KCNIP4: variants seen among roughly 807,000 people sequenced by gnomAD.
KCNIP4 encodes the protein Kv channel-interacting protein 4.
In KCNIP4, 12 loss-of-function variants were observed where a neutral mutation model predicts 34.0. The observed-to-expected ratio is 0.35, with a 90% CI of 0.23 to 0.57. The LOEUF is 0.57. Ranked by LOEUF, KCNIP4 falls within the 20% of genes least tolerant of loss-of-function variation. KCNIP4 has a pLI of 0.83. For synonymous variants in KCNIP4, 124 were observed against 102.2 expected (o/e 1.21, Z -1.29); for missense variants, 238 against 311.7 (o/e 0.76, Z 1.78).
intron 1 of KCNIP4, among the ~76,000 whole-genome samples, chr4:21,447,011 G>C (rs574989235): frequency 6.6e-6 from 1 of 150,422 alleles, no homozygotes; most frequent in Admixed American, 6.6e-5. Flanking sequence ...AAAAAAAAAA[G>C]AAAAAGAGAC....
chr4:21,697,711 G>A, intron 1 of KCNIP4: 2 of 1,215,716 alleles, frequency 1.6e-6, no homozygotes, highest in Non-Finnish European at 2.0e-6. Flanking sequence ...CAGACAGGCT[G>A]CCGGTTCACA....
chr4:20,765,587 G>T (rs1424294091), intron 3 of KCNIP4, among the ~76,000 whole-genome samples: 2 of 152,198 alleles, frequency 1.3e-5, no homozygotes, highest in South Asian at 4.1e-4. Flanking sequence ...TGGCTAGATA[G>T]TAATGGGCTG....
Position 21,767,510 on chromosome 4 carries a change from A to G in KCNIP4, c.61+181061T>C, listed in dbSNP as rs184440787. ...TAGAATGGTAACGGCAGCTGGCTTT[A>G]TTGCCAATTATGCAATACTTTTAGG... On this transcript the variant is annotated intron_variant, in intron 1 of 8. Transcript: ENST00000382152. Among the ~76,000 whole-genome samples, 1,333 of 152,094 alleles carry G rather than the reference A, an allele frequency of 8.8e-3. 19 individuals carry two copies. The highest frequency in any genetic ancestry group is 0.039 in the South Asian group (187 of 4,822).
chr4:21,630,008 A>G (rs1028467649), intron 1 of KCNIP4, among the ~76,000 whole-genome samples: 2 of 137,364 alleles, frequency 1.5e-5, no homozygotes, highest in African/African-American at 5.5e-5. Context: ...GGACCACCAC[A>G]GCTGGCTAAT....
chr4:21,885,696 A>T (rs1419281378), intron 1 of KCNIP4, among the ~76,000 whole-genome samples: 1 of 152,182 alleles, frequency 6.6e-6, no homozygotes, highest in Non-Finnish European at 1.5e-5. Context: ...TTTTGCTTTA[A>T]ATGTCAGGAC....
chr4:21,385,076 C>G (rs1045891697), intron 1 of KCNIP4, among the ~76,000 whole-genome samples: 1 of 152,136 alleles, frequency 6.6e-6, no homozygotes, highest in African/African-American at 2.4e-5. Flanking sequence ...GGTTGACAGA[C>G]AGTACTAGAA....
chr4:20,975,694 G>A (rs925087165), intron 1 of KCNIP4, among the ~76,000 whole-genome samples: 5 of 152,070 alleles, frequency 3.3e-5, no homozygotes, highest in African/African-American at 1.2e-4. Context: ...AAAACAATAA[G>A]TCATCAACCT....
chr4:20,996,751 A>G (rs762678572), intron 1 of KCNIP4, among the ~76,000 whole-genome samples: 2 of 135,540 alleles, frequency 1.5e-5, no homozygotes, highest in Non-Finnish European at 3.2e-5. Flanking sequence ...GCACTCACCA[A>G]CCTCCCTGAA....
intron 1 of KCNIP4, among the ~76,000 whole-genome samples, chr4:21,442,218 A>C (rs1006934989): frequency 3.3e-5 from 5 of 152,158 alleles, no homozygotes; most frequent in African/African-American, 1.2e-4. Flanking sequence ...CCAGGCTTGC[A>C]GAGATTCGCC....
intron 1 of KCNIP4, among the ~76,000 whole-genome samples, chr4:21,310,901 T>G (rs1713086055): frequency 6.6e-6 from 1 of 152,156 alleles, no homozygotes; most frequent in African/African-American, 2.4e-5. Flanking sequence ...GTGCTGGGAT[T>G]ACAGGAGTGA....
chr4:21,734,783 C>A (rs1715870069), intron 1 of KCNIP4, among the ~76,000 whole-genome samples: 1 of 152,030 alleles, frequency 6.6e-6, no homozygotes, highest in East Asian at 1.9e-4. Flanking sequence ...GTACATTTAA[C>A]TCGAGATATT....
At chr4:20,843,105 G>A (rs548608677) in intron 3 of KCNIP4, among the ~76,000 whole-genome samples, 16 of 151,868 alleles carry the variant, frequency 1.1e-4, no homozygotes, top group African/African-American at 2.9e-4. Context: ...ATGGGGTTTC[G>A]CCATGTTGGC....
rs139481009 is a variant in KCNIP4, at chr4:20,988,111, A to T, written c.62-105402T>A. Among the ~76,000 whole-genome samples, 669 of 151,892 alleles carry T rather than the reference A, an allele frequency of 4.4e-3. 10 individuals are homozygous for T. The highest frequency in any genetic ancestry group is 0.016 in the African/African-American group (644 of 41,368). On this transcript the variant is annotated intron_variant, in intron 1 of 8. Transcript: ENST00000382152. ...AATTCAGGCTTTCAAAGGTTAATCC[A>T]CTTGCCTGAAGCCTCATATATGGCA... is the stretch of plus-strand genomic sequence containing the variant.
At chr4:21,303,610 C>A (rs1712007916) in intron 1 of KCNIP4, among the ~76,000 whole-genome samples, 1 of 152,166 alleles carries the variant, frequency 6.6e-6, no homozygotes, top group Admixed American at 6.5e-5. Flanking sequence ...TTTTAACATT[C>A]TCTTGTGAAA....
At chr4:20,779,426 A>G (rs1756652232) in intron 3 of KCNIP4, among the ~76,000 whole-genome samples, 1 of 152,100 alleles carries the variant, frequency 6.6e-6, no homozygotes, top group Admixed American at 6.6e-5. Context: ...CCAGCAAGTA[A>G]TAGAGAAGTG....
intron 1 of KCNIP4, among the ~76,000 whole-genome samples, chr4:21,423,087 A>C (rs1001641040): frequency 6.6e-6 from 1 of 152,190 alleles, no homozygotes; most frequent in Non-Finnish European, 1.5e-5. Flanking sequence ...TTCATCTGAT[A>C]TTCTTGGAAG....
intron 1 of KCNIP4, among the ~76,000 whole-genome samples, chr4:20,972,915 T>G (rs2149679721): frequency 6.6e-6 from 1 of 152,310 alleles, no homozygotes; most frequent in African/African-American, 2.4e-5. Context: ...TTAACTGAAC[T>G]ACTACAATCT....
intron 1 of KCNIP4, among the ~76,000 whole-genome samples, chr4:21,693,106 T>TTACCTTCTC (rs1711864522): frequency 1.0e-5 from 1 of 95,618 alleles, no homozygotes; most frequent in African/African-American, 4.1e-5. Flanking sequence ...GGATCACCTC[T>TTACCTTCTC]TCCAGACAGA....
intron 1 of KCNIP4, among the ~76,000 whole-genome samples, chr4:21,035,323 T>A (rs536092454): frequency 6.6e-6 from 1 of 152,238 alleles, no homozygotes; most frequent in East Asian, 1.9e-4. Flanking sequence ...AGGATTAGAA[T>A]GTGACATCCT....
Sources: allele counts gnomAD v4.1 joint callset (sites outside exome capture counted in the v4.1 genomes callset), GRCh38; gene constraint gnomAD v4.1.1; transcripts MANE v1.5; gene names NCBI Gene and HGNC (gene_info 2026-07-23, HGNC 2026-07-21).